The following ASIC2 variants were observed in gnomAD, a reference collection of about 807,000 sequenced individuals.
ASIC2 encodes acid sensing ion channel subunit 2, also known as acid-sensing ion channel 2.
Under a neutral mutation model 57.3 loss-of-function variants are expected in ASIC2, and 25 were observed. The observed-to-expected ratio is 0.44, with a 90% confidence interval of 0.32 to 0.61. The LOEUF is 0.61. Ranked by LOEUF, ASIC2 falls within the 20% of genes least tolerant of loss-of-function variation. The probability of loss-of-function intolerance (pLI) is 0.06; values close to 1 mark genes in which losing one functional copy is unlikely to be tolerated. For synonymous variants in ASIC2, 319 were observed against 307.5 expected (o/e 1.04, Z -0.39); for missense variants, 641 against 738.1 (o/e 0.87, Z 1.52).
At chr17:33,509,814 G>A (rs1380338623) in intron 1 of ASIC2, among the ~76,000 whole-genome samples, 1 of 152,252 alleles carries the variant, frequency 6.6e-6, no homozygotes, top group Non-Finnish European at 1.5e-5. Context: ...TAAGGAACTG[G>A]TGAAAGCAAG....
At chr17:33,441,543 G>T (rs11650787) in intron 1 of ASIC2, among the ~76,000 whole-genome samples, 25,113 of 152,080 alleles carry the variant, frequency 0.17, 2,439 homozygotes, top group African/African-American at 0.27. Context: ...AGGACATGCT[G>T]CCCCAAAATA....
intron 1 of ASIC2, among the ~76,000 whole-genome samples, chr17:33,564,324 C>T (rs914582271): frequency 1.3e-5 from 2 of 152,182 alleles, no homozygotes. Context: ...TGCCCTGACT[C>T]GTTAATCCAC....
At chr17:33,930,481 G>A (rs1322582572) in intron 1 of ASIC2, among the ~76,000 whole-genome samples, 2 of 152,268 alleles carry the variant, frequency 1.3e-5, no homozygotes, top group Admixed American at 6.5e-5. Context: ...TCCCCATCGT[G>A]CTTCAGGTAG....
intron 1 of ASIC2, among the ~76,000 whole-genome samples, chr17:33,479,008 A>G (rs1913317330): frequency 6.6e-6 from 1 of 151,888 alleles, no homozygotes; most frequent in African/African-American, 2.4e-5. Flanking sequence ...ATTTTATTTT[A>G]TTTTATTTTG....
At chr17:33,490,810 G>C (rs1387540956) in intron 1 of ASIC2, among the ~76,000 whole-genome samples, 1 of 152,160 alleles carries the variant, frequency 6.6e-6, no homozygotes, top group African/African-American at 2.4e-5. Context: ...TATTTCCTTA[G>C]GAAAAATTTC....
intron 1 of ASIC2, among the ~76,000 whole-genome samples, chr17:33,621,233 T>C (rs1363649331): frequency 1.3e-5 from 2 of 152,198 alleles, no homozygotes; most frequent in Non-Finnish European, 2.9e-5. Context: ...ACGTAAGTAA[T>C]ATAATAGAAT....
chr17:33,291,782 G>A lies in ASIC2; in HGVS notation c.334C>T (p.Leu112Phe), dbSNP rs893574651. ...ACCCGCGTGTGTGACGGGAAGCTGA[G>A]CCAGTAGAGCAAGCGGTTCGAGGAC... ...SWSSNRLLYW[L>F]SFPSHTRVHR... Residue 112 changes from leucine (L) to phenylalanine (F), a missense_variant, in exon 1 of 10, where the codon CTC becomes TTC. This residue lies in a region of ASIC2 where 382 missense variants were observed against 398.0 expected (regional missense o/e 0.96). Coordinates refer to ENST00000225823, the MANE Select transcript of ASIC2 (RefSeq NM_183377.2). 7.4e-6 allele frequency: 12 copies of A among 1,613,686 alleles called. No homozygotes were observed. The highest frequency in any genetic ancestry group is 1.0e-5 in the Non-Finnish European group (12 of 1,179,916).
chr17:34,124,438 A>G (rs1311197085), intron 1 of ASIC2, among the ~76,000 whole-genome samples: 1 of 152,186 alleles, frequency 6.6e-6, no homozygotes, highest in African/African-American at 2.4e-5. Context: ...AAACACACAT[A>G]TGGTGATACC....
intron 1 of ASIC2, among the ~76,000 whole-genome samples, chr17:33,147,445 G>A (rs1904606576): frequency 6.6e-6 from 1 of 152,194 alleles, no homozygotes; most frequent in Non-Finnish European, 1.5e-5. Flanking sequence ...GGCTGATGTT[G>A]TCTTACTCAA....
chr17:33,240,991 T>C (rs1430851162), intron 1 of ASIC2, among the ~76,000 whole-genome samples: 1 of 152,164 alleles, frequency 6.6e-6, no homozygotes, highest in African/African-American at 2.4e-5. Flanking sequence ...CATTGGCATG[T>C]ACATTATCTC....
At chr17:33,995,882 G>T (rs971414148) in intron 1 of ASIC2, among the ~76,000 whole-genome samples, 2 of 152,094 alleles carry the variant, frequency 1.3e-5, no homozygotes, top group African/African-American at 4.8e-5. Context: ...CCAGAAGTAG[G>T]ATTGCTGGAT....
intron 1 of ASIC2, among the ~76,000 whole-genome samples, chr17:33,963,676 G>A (rs1297397365): frequency 5.3e-5 from 8 of 151,788 alleles, no homozygotes; most frequent in Admixed American, 5.3e-4. Context: ...CACCATCATT[G>A]TCATAATTTT....
At chr17:33,704,931 G>T (rs1908818270) in intron 1 of ASIC2, among the ~76,000 whole-genome samples, 1 of 152,164 alleles carries the variant, frequency 6.6e-6, no homozygotes, top group South Asian at 2.1e-4. Context: ...AGCACTCTTT[G>T]GTTTTGAAAC....
At chr17:33,046,624 A>G (rs1321556028) in intron 3 of ASIC2, among the ~76,000 whole-genome samples, 2 of 152,094 alleles carry the variant, frequency 1.3e-5, no homozygotes, top group Non-Finnish European at 2.9e-5. Flanking sequence ...CCACAACCTT[A>G]GCCCTCCATA....
chr17:33,346,629 G>A (rs568373517), intron 1 of ASIC2, among the ~76,000 whole-genome samples: 4 of 152,272 alleles, frequency 2.6e-5, no homozygotes, highest in African/African-American at 9.6e-5. Context: ...TTAGGCATCC[G>A]TGCAAAGATA....
chr17:33,482,137 T>C (rs1049731978), intron 1 of ASIC2, among the ~76,000 whole-genome samples: 7 of 152,224 alleles, frequency 4.6e-5, no homozygotes, highest in African/African-American at 1.4e-4. Flanking sequence ...AATTGGATCA[T>C]GTCACCCACC....
chr17:34,139,174 T>C (rs559872526), intron 1 of ASIC2, among the ~76,000 whole-genome samples: 3 of 152,338 alleles, frequency 2.0e-5, no homozygotes, highest in African/African-American at 7.2e-5. Context: ...TGGAGCTACC[T>C]AGCAGTTATT....
chr17:33,182,753 T>C (rs956470864), intron 1 of ASIC2, among the ~76,000 whole-genome samples: 1 of 152,162 alleles, frequency 6.6e-6, no homozygotes, highest in Non-Finnish European at 1.5e-5. Context: ...GCCATTGTAT[T>C]TAAATGGGGC....
At chr17:33,263,867 C>T (rs749590661) in intron 1 of ASIC2, among the ~76,000 whole-genome samples, 1 of 152,210 alleles carries the variant, frequency 6.6e-6, no homozygotes, top group South Asian at 2.1e-4. Context: ...GAGGGTGGAG[C>T]CTCGTGAGTC....
Sources: gnomAD v4.1 joint callset for allele counts (sites outside exome capture counted in the v4.1 genomes callset) on GRCh38, gnomAD v4.1.1 for gene constraint, gnomAD v4.1.1 regional missense constraint, MANE v1.5 for transcripts, NCBI Gene and HGNC (gene_info 2026-07-23, HGNC 2026-07-21) for gene names.